The following ZNF831 variants were observed in gnomAD, a reference collection of about 807,000 sequenced individuals.
The protein encoded by ZNF831 is zinc finger protein 831.
A neutral mutation model predicts 95.8 loss-of-function variants in ZNF831; 59 were observed. The ratio of observed to expected loss-of-function variants is 0.62; its 90% CI spans 0.50 to 0.77. ZNF831 has a LOEUF of 0.77. Among genes scored for constraint, ZNF831 ranks in the 30% least tolerant of loss-of-function variants. The probability of loss-of-function intolerance (pLI) is 0.00; values close to 1 mark genes in which losing one functional copy is unlikely to be tolerated. For synonymous variants in ZNF831, 961 were observed against 925.5 expected (o/e 1.04, Z -0.70); for missense variants, 2,205 against 2,164.0 (o/e 1.02, Z -0.38).
chr20:59,163,051 G>GTGTGTA (rs1194739330), upstream of ZNF831, among the ~76,000 whole-genome samples: 72 of 149,966 alleles, frequency 4.8e-4, no homozygotes, highest in African/African-American at 1.5e-3. Context: ...GTGTGTGTGT[G>GTGTGTA]TTGCTATTGT....
chr20:59,228,395 CT>C (rs1421907373), intron 4 of ZNF831, among the ~76,000 whole-genome samples: 1 of 151,034 alleles, frequency 6.6e-6, no homozygotes, highest in Non-Finnish European at 1.5e-5. Context: ...TAGTTGGCTG[CT>C]GACAGCCAAC....
upstream of ZNF831, among the ~76,000 whole-genome samples, chr20:59,163,023 G>GTA (rs1980977777): frequency 6.6e-6 from 1 of 150,422 alleles, no homozygotes; most frequent in Non-Finnish European, 1.5e-5. Context: ...AGGTGTGTGT[G>GTA]TGTGTGTGTG....
intron 3 of ZNF831, among the ~76,000 whole-genome samples, chr20:59,201,250 T>G (rs1180875851): frequency 6.6e-6 from 1 of 152,230 alleles, no homozygotes; most frequent in Non-Finnish European, 1.5e-5. Context: ...TCAGCATCTT[T>G]TTTTGTGTGC....
At chr20:59,181,147 A>T (rs983918079) in intron 1 of ZNF831, among the ~76,000 whole-genome samples, 1 of 151,882 alleles carries the variant, frequency 6.6e-6, no homozygotes, top group African/African-American at 2.4e-5. Context: ...TTTTTTTCAT[A>T]TGTTTGTTGG....
chr20:59,148,804 G>A (rs544683052), intron 2 of ZNF831, among the ~76,000 whole-genome samples: 3 of 148,182 alleles, frequency 2.0e-5, no homozygotes, highest in Admixed American at 1.4e-4. Context: ...CACCCAGCCA[G>A]GAGATTCAGA....
At chr20:59,127,115 C>T (rs984678645) in intron 1 of ZNF831, among the ~76,000 whole-genome samples, 9 of 123,950 alleles carry the variant, frequency 7.3e-5, no homozygotes, top group Non-Finnish European at 6.9e-5. Context: ...CCTTGGGCCC[C>T]GGGCAAAACT....
At chr20:59,199,981 A>G (rs1257977237) in intron 3 of ZNF831, among the ~76,000 whole-genome samples, 1 of 152,168 alleles carries the variant, frequency 6.6e-6, no homozygotes, top group Non-Finnish European at 1.5e-5. Flanking sequence ...TGCTGGGTAC[A>G]CAATTCTAGG....
chr20:59,239,222 C>G (rs1050805395), intron 4 of ZNF831, among the ~76,000 whole-genome samples: 4 of 152,044 alleles, frequency 2.6e-5, no homozygotes, highest in Non-Finnish European at 5.9e-5. Flanking sequence ...GAAAACCAAA[C>G]CAAACCCATT....
intron 4 of ZNF831, among the ~76,000 whole-genome samples, chr20:59,243,475 T>C (rs1443284704): frequency 6.6e-6 from 1 of 152,208 alleles, no homozygotes; most frequent in Non-Finnish European, 1.5e-5. Context: ...TACTCTGCCA[T>C]AAGTAGACAG....
intron 3 of ZNF831, among the ~76,000 whole-genome samples, chr20:59,205,625 C>T (rs914889186): frequency 9.2e-5 from 14 of 152,122 alleles, no homozygotes; most frequent in African/African-American, 3.1e-4. Context: ...TAGGGGACTG[C>T]GGCTGGATCT....
intron 1 of ZNF831, among the ~76,000 whole-genome samples, chr20:59,132,519 C>A (rs1979379341): frequency 6.6e-6 from 1 of 152,188 alleles, no homozygotes; most frequent in Non-Finnish European, 1.5e-5. Context: ...CAATATCTCA[C>A]CTTCTTCTCA....
chr20:59,135,705 T>A (rs551448570), intron 1 of ZNF831, among the ~76,000 whole-genome samples: 1 of 152,254 alleles, frequency 6.6e-6, no homozygotes, highest in Admixed American at 6.5e-5. Context: ...CACTCCAGCC[T>A]GGGTGACAGA....
At chr20:59,139,559 C>G (rs1242425016) in intron 1 of ZNF831, among the ~76,000 whole-genome samples, 3 of 152,064 alleles carry the variant, frequency 2.0e-5, no homozygotes, top group Admixed American at 2.0e-4. Context: ...ACACATGTAA[C>G]TAATACTCAA....
chr20:59,188,913 G>A (rs892825964), intron 1 of ZNF831, among the ~76,000 whole-genome samples: 2 of 152,172 alleles, frequency 1.3e-5, no homozygotes, highest in African/African-American at 4.8e-5. Flanking sequence ...GGGTGTGGTG[G>A]CTCATGCCTA....
chr20:59,176,130 C>A (rs550413330), intron 1 of ZNF831, among the ~76,000 whole-genome samples: 10 of 152,190 alleles, frequency 6.6e-5, no homozygotes, highest in Non-Finnish European at 1.5e-4. Context: ...TAAAACAGGA[C>A]TTGGCAAGGA....
chr20:59,184,926 T>A (rs1237848730), intron 1 of ZNF831, among the ~76,000 whole-genome samples: 1 of 152,072 alleles, frequency 6.6e-6, no homozygotes, highest in Non-Finnish European at 1.5e-5. Context: ...ATATAACTGT[T>A]TGTGGGGGGG....
chr20:59,158,971 T>C (rs1980691096), upstream of ZNF831, among the ~76,000 whole-genome samples: 1 of 152,192 alleles, frequency 6.6e-6, no homozygotes, highest in South Asian at 2.1e-4. Context: ...TGATGTCTCT[T>C]TCTGTTCCAG....
chr20:59,212,027 C>A (rs565345382), intron 4 of ZNF831, among the ~76,000 whole-genome samples: 17 of 152,032 alleles, frequency 1.1e-4, no homozygotes, highest in Non-Finnish European at 1.9e-4. Context: ...AGATACTAAT[C>A]CTTTTAGGCC....
At chr20:59,234,612 C>T (rs553671839) in intron 4 of ZNF831, among the ~76,000 whole-genome samples, 194 of 152,264 alleles carry the variant, frequency 1.3e-3, no homozygotes, top group African/African-American at 4.5e-3. Flanking sequence ...ACAGTGTAGA[C>T]TTCCAGAAGG....
Sources: gnomAD v4.1 joint callset for allele counts (sites outside exome capture counted in the v4.1 genomes callset) on GRCh38, gnomAD v4.1.1 for gene constraint, MANE v1.5 for transcripts, NCBI Gene and HGNC (gene_info 2026-07-23, HGNC 2026-07-21) for gene names.